The following BMP2K variants were observed in gnomAD, a reference collection of about 807,000 sequenced individuals.
BMP2K encodes BMP2 inducible kinase, also known as BMP-2-inducible protein kinase.
In BMP2K, 74 loss-of-function variants were observed where a neutral mutation model predicts 116.0. The ratio of observed to expected loss-of-function variants is 0.64; its 90% CI spans 0.53 to 0.77. The LOEUF is 0.77. Among genes scored for constraint, BMP2K ranks in the 30% least tolerant of loss-of-function variants. The pLI is 0.00. For missense variants in BMP2K, 1,365 were observed against 1,403.6 expected, an observed-to-expected ratio of 0.97 and a Z score of 0.44; for synonymous variants, 486 against 502.5, an observed-to-expected ratio of 0.97 and a Z score of 0.44.
At chr4:78,891,486 T>G (rs1413576826) in intron 15 of BMP2K, among the ~76,000 whole-genome samples, 1 of 152,220 alleles carries the variant, frequency 6.6e-6, no homozygotes, top group African/African-American at 2.4e-5. Context: ...CTTTCTTCTT[T>G]TAAAATCATT....
At position 78,915,906 on chromosome 4, in the gene BMP2K, GA is replaced by G. The variant is rs1465739392; in HGVS notation, c.*3875del. 1 of 151,906 alleles carries G rather than the reference GA, an allele frequency of 6.6e-6. No homozygotes were observed. The highest frequency in any genetic ancestry group is 2.4e-5 in the African/African-American group (1 of 41,422). 9.4% of individuals were successfully genotyped at this position (151,906 alleles called of 1,614,324 possible). A position where few individuals can be genotyped will look rare whatever the true frequency, so the allele number is the denominator to read the frequency against. On this transcript the variant is annotated 3_prime_UTR_variant, in exon 16 of 16. Transcript: ENST00000502613. Reference sequence around the variant, plus strand: ...AAAGTCATCTAATAGAAGCTGTATAGAAGCTACTTTTTAATTGCTGGCAAAC... The same window carrying G: ...AAAGTCATCTAATAGAAGCTGTATAGAGCTACTTTTTAATTGCTGGCAAAC...
intron 10 of BMP2K, 37 bp from the exon 11 acceptor site, chr4:78,870,746 T>G (rs779489845): frequency 2.7e-5 from 42 of 1,566,520 alleles, no homozygotes; most frequent in Non-Finnish European, 3.5e-5. Flanking sequence ...ATTGAAATCA[T>G]TAGTATGTTA....
At chr4:78,800,344 A>G (rs1458196302) in intron 1 of BMP2K, among the ~76,000 whole-genome samples, 3 of 152,214 alleles carry the variant, frequency 2.0e-5, no homozygotes, top group Non-Finnish European at 4.4e-5. Flanking sequence ...AAGCATCAAC[A>G]TGTTAGGGCT....
chr4:78,864,672 A>C (rs1219735230), intron 9 of BMP2K, among the ~76,000 whole-genome samples: 1 of 152,096 alleles, frequency 6.6e-6, no homozygotes, highest in Non-Finnish European at 1.5e-5. Flanking sequence ...ATGCAAATGC[A>C]GCAGATGTGT....
intron 15 of BMP2K, among the ~76,000 whole-genome samples, chr4:78,897,666 T>C (rs1733775107): frequency 6.6e-6 from 1 of 152,212 alleles, no homozygotes; most frequent in Non-Finnish European, 1.5e-5. Flanking sequence ...TTTATAGCGC[T>C]AAGTATCCTA....
intron 6 of BMP2K, 57 bp from the exon 7 acceptor site, chr4:78,850,867 A>G (rs1247583822): frequency 1.9e-6 from 3 of 1,578,740 alleles, no homozygotes; most frequent in Non-Finnish European, 1.7e-6. Flanking sequence ...GTTTTTGGCT[A>G]TTTTTGTGTC....
chr4:78,909,371 T>TA (rs1337373007), intron 15 of BMP2K, among the ~76,000 whole-genome samples: 38 of 57,022 alleles, frequency 6.7e-4, no homozygotes, highest in African/African-American at 2.0e-3. Context: ...TCATTTTTTT[T>TA]TATGTAAACC....
intron 15 of BMP2K, among the ~76,000 whole-genome samples, chr4:78,902,798 T>C (rs1283990115): frequency 6.6e-6 from 1 of 152,136 alleles, no homozygotes; most frequent in Non-Finnish European, 1.5e-5. Flanking sequence ...ATGCATAGTA[T>C]GATGCAAACA....
chr4:78,777,055 G>C (rs1227559517), intron 1 of BMP2K, among the ~76,000 whole-genome samples: 1 of 152,146 alleles, frequency 6.6e-6, no homozygotes, highest in African/African-American at 2.4e-5. Context: ...ATCGAACAGG[G>C]TTGAAGCTCC....
Position 78,910,933 on chromosome 4 carries a change from G to A in BMP2K, c.2386G>A (p.Glu796Lys), listed in dbSNP as rs201726644. ...PLLMDSEDEEEEEKHSSDSDY... is the reference protein window; with the variant it reads ...PLLMDSEDEEKEEKHSSDSDY... The stretch of plus-strand genomic sequence containing the variant: ...CCTCATGGATTCTGAAGATGAGGAA[G>A]AAGAGGAGAAACATAGCTCTGATTC... Residue 796 changes from glutamate to lysine, a missense_variant, in exon 16 of 16, where the codon GAA becomes AAA. Glu to Lys is a moderately conservative substitution (Grantham distance 56). Around this residue, in one of 3 missense-constraint regions of BMP2K, gnomAD observed 596 missense variants for 623.2 expected, o/e 0.96. Transcript: ENST00000502613. 2.9e-4 allele frequency: 463 copies of A among 1,613,728 alleles called. 1 individual carries two copies. The highest frequency in any genetic ancestry group is 4.7e-4 in the Admixed American group (28 of 59,990).
intron 15 of BMP2K, among the ~76,000 whole-genome samples, chr4:78,900,093 A>G (rs1733915216): frequency 6.6e-6 from 1 of 152,200 alleles, no homozygotes; most frequent in African/African-American, 2.4e-5. Context: ...AAATGCCTAC[A>G]GCAAGAACAA....
intron 7 of BMP2K, among the ~76,000 whole-genome samples, chr4:78,857,877 A>G (rs1391521594): frequency 6.6e-6 from 1 of 151,982 alleles, no homozygotes; most frequent in East Asian, 1.9e-4. Context: ...CCCTGTTTAT[A>G]TTGACAGCTA....
rs143092163 is a variant in BMP2K, at chr4:78,804,190, G to A, written c.179-21847G>A. 5.5e-3 allele frequency among the ~76,000 whole-genome samples: 837 copies of A among 152,132 alleles called. 8 individuals are homozygous for A. The highest frequency in any genetic ancestry group is 0.02 in the African/African-American group (810 of 41,512). On this transcript the variant is annotated intron_variant, in intron 1 of 15. Transcript: ENST00000502613. The stretch of plus-strand genomic sequence containing the variant: ...TGTCTCTATGGATTTGTCTATTCTG[G>A]GCATTGCATGTAAATGGAATCATAT...
Position 78,911,212 on chromosome 4 carries a change from G to A in BMP2K, c.2665G>A (p.Gly889Arg), listed in dbSNP as rs776791274. 13 of 1,613,786 alleles carry A rather than the reference G, an allele frequency of 8.1e-6. No homozygotes were observed. The highest frequency in any genetic ancestry group is 1.7e-5 in the Admixed American group (1 of 59,998). ...CCCTCAACACAGGTTTCCTGCTGCA[G>A]GACTGGAGCAGGAGGAATTTGATGT... is the stretch of plus-strand genomic sequence containing the variant. ...NLPQHRFPAAGLEQEEFDVFT... is the reference protein window; with the variant it reads ...NLPQHRFPAARLEQEEFDVFT... The change falls in exon 16 of 16, where the codon GGA (glycine) becomes AGA (arginine). Residue 889 changes from glycine (G) to arginine (R), a missense_variant. Physicochemically the swap from Gly to Arg is moderately radical, Grantham distance 125 (BLOSUM62 -2). Transcript: ENST00000502613.
intron 1 of BMP2K, among the ~76,000 whole-genome samples, chr4:78,788,273 A>G (rs192930220): frequency 9.9e-4 from 151 of 152,142 alleles, no homozygotes; most frequent in African/African-American, 3.2e-3. Flanking sequence ...GGTTGGGGGT[A>G]TATGTGCTCA....
intron 1 of BMP2K, among the ~76,000 whole-genome samples, chr4:78,820,014 CTTACTA>C (rs905151624): frequency 5.9e-5 from 9 of 152,036 alleles, no homozygotes; most frequent in Admixed American, 3.3e-4. Flanking sequence ...TCTGGATATT[CTTACTA>C]TTACTTACTG....
At chr4:78,883,840 T>TTC (rs1460329401) in intron 14 of BMP2K, among the ~76,000 whole-genome samples, 2 of 151,842 alleles carry the variant, frequency 1.3e-5, no homozygotes, top group East Asian at 3.9e-4. Context: ...GGTGGGAGGA[T>TTC]TGCTTGAGGC....
At chr4:78,848,759 T>C (rs1243431126) in intron 6 of BMP2K, among the ~76,000 whole-genome samples, 1 of 151,218 alleles carries the variant, frequency 6.6e-6, no homozygotes. Context: ...AGAGTAGAGA[T>C]TCTGTGATGG....
At chr4:78,806,349 A>T (rs1019164882) in intron 1 of BMP2K, among the ~76,000 whole-genome samples, 33 of 151,466 alleles carry the variant, frequency 2.2e-4, no homozygotes, top group African/African-American at 7.5e-4. Context: ...TGAATTTAAA[A>T]TTTTTTTTTG....
Sources: gnomAD v4.1 joint callset for allele counts (sites outside exome capture counted in the v4.1 genomes callset) on GRCh38, gnomAD v4.1.1 for gene constraint, gnomAD v4.1.1 regional missense constraint, MANE v1.5 for transcripts, NCBI Gene and HGNC (gene_info 2026-07-23, HGNC 2026-07-21) for gene names.